The following CIT variants were observed in gnomAD, a reference collection of about 807,000 sequenced individuals.
The protein encoded by CIT is citron rho-interacting serine/threonine kinase, also known as citron Rho-interacting kinase.
A neutral mutation model predicts 272.7 loss-of-function variants in CIT; 79 were observed. That is an observed-to-expected ratio of 0.29 (90% CI 0.24 to 0.35). The LOEUF (loss-of-function observed/expected upper bound fraction) is 0.35, where lower values mean the gene tolerates loss of function less well. Ranked by LOEUF, CIT falls within the 10% of genes least tolerant of loss-of-function variation. The probability of loss-of-function intolerance (pLI) is 1.00; values close to 1 mark genes in which losing one functional copy is unlikely to be tolerated. For synonymous variants in CIT, 948 were observed against 995.6 expected, an observed-to-expected ratio of 0.95 and a Z score of 0.90; for missense variants, 1,909 against 2,618.3, an observed-to-expected ratio of 0.73 and a Z score of 5.91.
Position 119,876,163 on chromosome 12 carries a change from C to G in CIT, c.6G>C (p.Leu2Phe), listed in dbSNP as rs140692057. ...GATTCCGCGCTCCATATTTGAACTT[C>G]AACATCTCCCCACTGGCGCTGAAAG... MLKFKYGARNPL... is the reference protein window; with the variant it reads MFKFKYGARNPL... Residue 2 changes from leucine to phenylalanine, a missense_variant, in exon 2 of 48, where the codon TTG (leucine) becomes TTC (phenylalanine). Physicochemically the swap from Leu to Phe is conservative, Grantham distance 22. Transcript: ENST00000392521. The G allele has an allele frequency of 9.3e-6, 15 of 1,612,410 alleles. No homozygotes were observed. In the African/African-American group the frequency reaches 2.0e-4, roughly 22 times the overall value.
intron 5 of CIT, among the ~76,000 whole-genome samples, chr12:119,834,512 C>T (rs1968863482): frequency 6.6e-6 from 1 of 152,222 alleles, no homozygotes; most frequent in South Asian, 2.1e-4. Context: ...CACTTTCCCA[C>T]CCACAAGTTG....
Position 119,710,729 on chromosome 12 carries a change from G to C in CIT, c.4855-109C>G. 1 of 1,035,200 alleles carries C rather than the reference G, an allele frequency of 9.7e-7. No individual in the cohort carries two copies. The highest frequency in any genetic ancestry group is 1.5e-6 in the Non-Finnish European group (1 of 674,536). The allele number at this position is 1,035,200 out of a possible 1,614,324, so 64.1% of individuals were successfully genotyped here. ...GAAGGTTAAGGCCAAGTTATTCCTG[G>C]AAATGCTCAGAAACGCACATATGCT... On this transcript the variant is annotated intron_variant, in intron 37 of 47. Transcript: ENST00000392521. This position sits in a 1 kb window ranked among gnomAD's most constrained non-coding sequence, Gnocchi z 5.6.
chr12:119,774,018 T>C (rs2137613387), intron 16 of CIT, among the ~76,000 whole-genome samples: 1 of 152,332 alleles, frequency 6.6e-6, no homozygotes, highest in East Asian at 1.9e-4. Flanking sequence ...AATGCAACTT[T>C]AGGACATTAC....
chr12:119,834,379 T>A, intron 5 of CIT, 151 bp from the exon 6 acceptor site: 1 of 659,094 alleles, frequency 1.5e-6, no homozygotes, highest in Non-Finnish European at 2.5e-6. Flanking sequence ...TCATGTAGGA[T>A]GAAGTCCCTG....
chr12:119,864,779 A>C (rs1318173484), intron 3 of CIT, among the ~76,000 whole-genome samples: 1 of 152,232 alleles, frequency 6.6e-6, no homozygotes, highest in Non-Finnish European at 1.5e-5. Flanking sequence ...GCCAGACACT[A>C]TTTTGGGCAC....
chr12:119,697,813 T>A lies in CIT; in HGVS notation c.5728A>T (p.Ile1910Phe). ...AGTPARAYLDIPNPRYLGPAI... is the reference protein window; with the variant it reads ...AGTPARAYLDFPNPRYLGPAI... The stretch of plus-strand genomic sequence containing the variant: ...GGGCCCAGGTAGCGCGGGTTCGGGA[T>A]GTCCAGGTACGCTCGGGCAGGGGTC... Residue 1910 changes from isoleucine to phenylalanine, a missense_variant, in exon 46 of 48, where the codon ATC (isoleucine) becomes TTC (phenylalanine). This residue lies in a region of CIT where 780 missense variants were observed against 1,067.2 expected (regional missense o/e 0.73). Coordinates refer to ENST00000392521, the MANE Select transcript of CIT (RefSeq NM_001206999.2). This position sits in a 1 kb window ranked among gnomAD's most constrained non-coding sequence, Gnocchi z 4.9. 1 of 1,614,128 alleles carries A rather than the reference T, an allele frequency of 6.2e-7. No homozygotes were observed. Among genetic ancestry groups the A allele is most frequent in the African/African-American group, 1.3e-5 (1 of 75,040 alleles).
At chr12:119,733,806 C>T (rs1958608010) in intron 26 of CIT, among the ~76,000 whole-genome samples, 1 of 152,012 alleles carries the variant, frequency 6.6e-6, no homozygotes, top group Non-Finnish European at 1.5e-5. Flanking sequence ...GAGGGAAGAC[C>T]AGGATTAAAA....
At chr12:119,826,159 T>A (rs1593879337) in intron 7 of CIT, among the ~76,000 whole-genome samples, 1 of 152,104 alleles carries the variant, frequency 6.6e-6, no homozygotes, top group East Asian at 1.9e-4. Flanking sequence ...CCTTTGGAAT[T>A]AACGTTCCTA....
At chr12:119,760,788 C>G (rs1382088829) in intron 20 of CIT, 151 bp downstream of exon 20, 1 of 672,622 alleles carries the variant, frequency 1.5e-6, no homozygotes. Flanking sequence ...GGAAAGGAAA[C>G]AGTTTCAGAG....
chr12:119,747,594 C>T (rs906832674), intron 23 of CIT, among the ~76,000 whole-genome samples: 1 of 151,696 alleles, frequency 6.6e-6, no homozygotes, highest in Non-Finnish European at 1.5e-5. Flanking sequence ...TGGGCGAGCA[C>T]CTGTAGTCCC....
chr12:119,805,051 A>C (rs574004967), intron 9 of CIT, among the ~76,000 whole-genome samples: 2 of 148,554 alleles, frequency 1.3e-5, no homozygotes, highest in South Asian at 2.2e-4. Flanking sequence ...ATCTGGTTTC[A>C]ATTATCCGGT....
intron 9 of CIT, among the ~76,000 whole-genome samples, chr12:119,809,966 G>C (rs909775775): frequency 2.6e-5 from 4 of 152,166 alleles, no homozygotes; most frequent in African/African-American, 9.7e-5. Context: ...GTGGAAGCTC[G>C]CAACCCTTCC....
At chr12:119,775,995 G>C (rs1006278383) in intron 15 of CIT, among the ~76,000 whole-genome samples, 156 bp from the exon 16 acceptor site, 1 of 152,164 alleles carries the variant, frequency 6.6e-6, no homozygotes, top group African/African-American at 2.4e-5. Context: ...GGCCTCTCAG[G>C]GAAGACTTTG....
In CIT at chr12:119,834,199, C is replaced by T. The variant is rs55687050; in HGVS notation, c.546G>A (p.Leu182=). Residue 182 remains leucine (L), a synonymous_variant, in exon 6 of 48, where the codon TTG becomes TTA. Transcript: ENST00000392521. ...CCTCATATCTATTCAAAAGTGACAG[C>T]AAGTCCCCTCCAGGCTGATATTCCA... ...LVMEYQPGGD[L]LSLLNRYEDQ... 2 of 1,613,050 alleles carry T rather than the reference C, an allele frequency of 1.2e-6. No individual in the cohort carries two copies. Among genetic ancestry groups the T allele is most frequent in the Non-Finnish European group, 1.7e-6 (2 of 1,179,658 alleles).
chr12:119,799,156 T>C lies in CIT; in HGVS notation c.1295+4050A>G, dbSNP rs183936118. Among the ~76,000 whole-genome samples, 7 of 152,334 alleles carry C rather than the reference T, an allele frequency of 4.6e-5. No homozygotes were observed. The East Asian group carries it at 1.4e-3, about 29-fold the overall frequency. The stretch of plus-strand genomic sequence containing the variant: ...GGGAAGCTTGGTTTCCAATCTGGTA[T>C]GACTTTGGACTACCTAATCATTGCT... On this transcript the variant is annotated intron_variant, in intron 10 of 47. Coordinates refer to ENST00000392521, the MANE Select transcript of CIT (RefSeq NM_001206999.2).
intron 24 of CIT, among the ~76,000 whole-genome samples, chr12:119,742,058 C>T (rs1251454118): frequency 6.6e-6 from 1 of 152,128 alleles, no homozygotes; most frequent in Non-Finnish European, 1.5e-5. Context: ...GAGTCTCTGA[C>T]CTGGGCTAGC....
intron 29 of CIT, among the ~76,000 whole-genome samples, 169 bp downstream of exon 29, chr12:119,721,140 T>C (rs1957799104): frequency 6.6e-6 from 1 of 152,126 alleles, no homozygotes; most frequent in East Asian, 1.9e-4. Context: ...CTAATTTTTG[T>C]ATTTTTAGTA....
intron 3 of CIT, among the ~76,000 whole-genome samples, chr12:119,868,298 A>ATATTCAT (rs1045664525): frequency 1.1e-3 from 161 of 152,228 alleles, no homozygotes; most frequent in African/African-American, 3.9e-3. Context: ...ATACATTATT[A>ATATTCAT]TATTCATTTT....
intron 46 of CIT, among the ~76,000 whole-genome samples, chr12:119,693,977 C>T (rs1205971899): frequency 1.3e-5 from 2 of 152,216 alleles, no homozygotes; most frequent in Admixed American, 1.3e-4. Flanking sequence ...AGAAGGTAGA[C>T]ACACCTTATA....
Sources: allele counts gnomAD v4.1 joint callset (sites outside exome capture counted in the v4.1 genomes callset), GRCh38; gene constraint gnomAD v4.1.1; regional missense constraint gnomAD v4.1.1; non-coding constraint Gnocchi (gnomAD v3.1); transcripts MANE v1.5; gene names NCBI Gene and HGNC (gene_info 2026-07-23, HGNC 2026-07-21).